The following ZBTB14 variants were observed in gnomAD, a reference collection of about 807,000 sequenced individuals.
ZBTB14 encodes zinc finger and BTB domain containing 14.
A neutral mutation model predicts 29.5 loss-of-function variants in ZBTB14; 8 were observed. That is an observed-to-expected ratio of 0.27 (90% CI 0.16 to 0.49). ZBTB14 has a LOEUF of 0.49. Among genes scored for constraint, ZBTB14 ranks in the 20% least tolerant of loss-of-function variants. The probability of loss-of-function intolerance (pLI) is 0.99; values close to 1 mark genes in which losing one functional copy is unlikely to be tolerated. For missense variants in ZBTB14, 333 were observed against 563.8 expected (o/e 0.59, Z 4.15); for synonymous variants, 226 against 207.2 (o/e 1.09, Z -0.78).
upstream of ZBTB14, among the ~76,000 whole-genome samples, chr18:5,296,641 T>C (rs1342001696): frequency 6.0e-5 from 9 of 150,882 alleles, no homozygotes; most frequent in South Asian, 2.1e-4. Context: ...TGTGGGGGAG[T>C]GGACGGTGCA....
Position 5,290,718 on chromosome 18 carries a change from C to T in ZBTB14, c.*140G>A. 4 of 1,310,142 alleles carry T rather than the reference C, an allele frequency of 3.1e-6. No homozygotes were observed. Among genetic ancestry groups the T allele is most frequent in the Non-Finnish European group, 4.1e-6 (4 of 966,434 alleles). 81.2% of individuals were successfully genotyped at this position (1,310,142 alleles called of 1,614,324 possible). A position where few individuals can be genotyped will look rare whatever the true frequency, so the allele number is the denominator to read the frequency against. On this transcript the variant is annotated 3_prime_UTR_variant, in exon 4 of 4. Transcript: ENST00000651870. ...TTTCCTTGAAAAGTCTTAAAAATAGCTAACCAAGCACTGCCTTAAGTCCAG... is the reference window on the plus strand; with the variant it reads ...TTTCCTTGAAAAGTCTTAAAAATAGTTAACCAAGCACTGCCTTAAGTCCAG...
In ZBTB14 at chr18:5,292,031, A is replaced by G. The variant is rs620652; in HGVS notation, c.177T>C (p.Thr59=). Residue 59 remains threonine (T), a synonymous_variant, in exon 4 of 4, where the codon ACT becomes ACC. Coordinates refer to ENST00000651870, the MANE Select transcript of ZBTB14 (RefSeq NM_001243702.2). ...AHRCVLAACS[T]YFKKLFKKLE... Reference sequence around the variant, plus strand: ...GCTTCTTGAAAAGCTTTTTAAAGTAAGTGCTGCAGGCAGCAAGAACACATC... The same window carrying G: ...GCTTCTTGAAAAGCTTTTTAAAGTAGGTGCTGCAGGCAGCAAGAACACATC... 1,330,758 of 1,612,794 alleles carry G rather than the reference A, an allele frequency of 0.83. 549,941 individuals carry two copies. The highest frequency in any genetic ancestry group is 0.93 in the African/African-American group (69,682 of 74,942).
upstream of ZBTB14, chr18:5,296,222 T>TGCGCACGCGCGCGC (rs2071961249): frequency 6.6e-6 from 1 of 150,686 alleles, no homozygotes; most frequent in Non-Finnish European, 1.5e-5. Context: ...GGCCCTGGCC[T>TGCGCACGCGCGCGC]GCGCACGCGC....
chr18:5,292,352 G>T, intron 3 of ZBTB14, 148 bp from the exon 4 acceptor site: 1 of 666,044 alleles, frequency 1.5e-6, no homozygotes, highest in Non-Finnish European at 2.4e-6. Context: ...GGGTAGAAAA[G>T]ACTGATCCCA....
At chr18:5,295,262 G>T (rs868648780) in intron 1 of ZBTB14, among the ~76,000 whole-genome samples, 1,905 of 144,620 alleles carry the variant, frequency 0.013, 24 homozygotes, top group Non-Finnish European at 0.02. Flanking sequence ...GCTCGCGCCG[G>T]GCCCTCCCCC....
chr18:5,290,817 A>C lies in ZBTB14; in HGVS notation c.*41T>G. ...CACTCATTATGATCCACGTCATCTC[A>C]GTCTCCACTTTCCAGGCAAAGTGTC... On this transcript the variant is annotated 3_prime_UTR_variant, in exon 4 of 4. Transcript: ENST00000651870. The C allele has an allele frequency of 1.3e-6, 2 of 1,586,424 alleles. No homozygotes were observed. Among genetic ancestry groups the C allele is most frequent in the South Asian group, 2.3e-5 (2 of 85,902 alleles).
At chr18:5,296,399 C>CCCGGCG (rs1158966965), upstream of ZBTB14, among the ~76,000 whole-genome samples, 1 of 150,140 alleles carries the variant, frequency 6.7e-6, no homozygotes, top group Non-Finnish European at 1.5e-5. Context: ...TCCGCCCGCG[C>CCCGGCG]CCGGCGCCGG....
At position 5,291,447 on chromosome 18, in the gene ZBTB14, G is replaced by C; in HGVS notation, c.761C>G (p.Pro254Arg). The C allele has an allele frequency of 6.2e-7, 1 of 1,614,152 alleles. No homozygotes were observed. Among genetic ancestry groups the C allele is most frequent in the Non-Finnish European group, 8.5e-7 (1 of 1,180,030 alleles). The change falls in exon 4 of 4, where the codon CCA (proline) becomes CGA (arginine). Residue 254 changes from proline (P) to arginine (R), a missense_variant. By Grantham distance (103) the Pro-to-Arg change is moderately radical. This residue lies in a region of ZBTB14 where 140 missense variants were observed against 274.6 expected (regional missense o/e 0.51). Transcript: ENST00000651870. This position sits in a 1 kb window ranked among gnomAD's most constrained non-coding sequence, Gnocchi z 5.8. ...GTCACTGGCGGCTGTTGTCCAGCCT[G>C]GTGTCTGTTCATCTTTCACTTCACT... ...GMSEVKDEQT[P>R]GWTTAASDMK...
Position 5,289,877 on chromosome 18 carries a change from C to A in ZBTB14, c.*981G>T, listed in dbSNP as rs1456168838. ...TACTGCATCTCCTTTATGGATAAAT[C>A]ATGTGCCCCACAGAGCCCCAAAGCT... On this transcript the variant is annotated 3_prime_UTR_variant, in exon 4 of 4. Coordinates refer to ENST00000651870, the MANE Select transcript of ZBTB14 (RefSeq NM_001243702.2). 6.6e-6 allele frequency: 1 copy of A among 152,478 alleles called. No individual in the cohort carries two copies. The highest frequency in any genetic ancestry group is 2.4e-5 in the African/African-American group (1 of 41,460). The allele number at this position is 152,478 out of a possible 1,614,324, so 9.4% of individuals were successfully genotyped here.
chr18:5,294,324 G>A (rs9945680), intron 1 of ZBTB14, among the ~76,000 whole-genome samples: 62,687 of 152,066 alleles, frequency 0.41, 13,478 homozygotes, highest in African/African-American at 0.47. Flanking sequence ...TCATCCAGAG[G>A]CTAGGCAGCC....
Position 5,290,632 on chromosome 18 carries a change from A to C in ZBTB14, c.*226T>G. 1.8e-6 allele frequency: 1 copy of C among 545,576 alleles called. No individual in the cohort carries two copies. Among genetic ancestry groups the C allele is most frequent in the South Asian group, 3.4e-5 (1 of 29,738 alleles). 33.8% of individuals were successfully genotyped at this position (545,576 alleles called of 1,614,324 possible). A position where few individuals can be genotyped will look rare whatever the true frequency, so the allele number is the denominator to read the frequency against. On this transcript the variant is annotated 3_prime_UTR_variant, in exon 4 of 4. Coordinates refer to ENST00000651870, the MANE Select transcript of ZBTB14 (RefSeq NM_001243702.2). Reference sequence around the variant, plus strand: ...AAGGGAGAGAGGTGCTTACTGGGCAACATTAATACTAGACACCAGACAAGA... The same window carrying C: ...AAGGGAGAGAGGTGCTTACTGGGCACCATTAATACTAGACACCAGACAAGA...
chr18:5,294,128 G>A (rs1353493472), intron 1 of ZBTB14, 127 bp from the exon 2 acceptor site: 1 of 152,250 alleles, frequency 6.6e-6, no homozygotes, highest in Admixed American at 6.5e-5. Flanking sequence ...CCAACCTGGA[G>A]ACCAACACCT....
At chr18:5,292,758 G>A (rs1049108851) in intron 3 of ZBTB14, among the ~76,000 whole-genome samples, 2 of 152,190 alleles carry the variant, frequency 1.3e-5, no homozygotes, top group Admixed American at 6.5e-5. Flanking sequence ...CTCCTTGACA[G>A]AAGGAACAAA....
chr18:5,291,116 G>C lies in ZBTB14; in HGVS notation c.1092C>G (p.His364Gln). The C allele has an allele frequency of 6.2e-7, 1 of 1,614,278 alleles. No homozygotes were observed. The highest frequency in any genetic ancestry group is 2.2e-5 in the East Asian group (1 of 44,892). The change falls in exon 4 of 4, where the codon CAC (histidine) becomes CAG (glutamine). Residue 364 changes from histidine (H) to glutamine (Q), a missense_variant. By Grantham distance (24) the His-to-Gln change is conservative (BLOSUM62 0). This residue lies in a region of ZBTB14 where 140 missense variants were observed against 274.6 expected (regional missense o/e 0.51). Transcript: ENST00000651870. This position sits in a 1 kb window ranked among gnomAD's most constrained non-coding sequence, Gnocchi z 5.8. The stretch of plus-strand genomic sequence containing the variant: ...TGTGTTTGAAGGCTTTGTCACACAT[G>C]TGGCACGCAAACGGTCTTTCATTAC... The part of the protein sequence containing the change: ...VHSNERPFAC[H>Q]MCDKAFKHKS...
intron 1 of ZBTB14, among the ~76,000 whole-genome samples, chr18:5,294,991 G>A (rs1031282878): frequency 6.6e-6 from 1 of 152,160 alleles, no homozygotes; most frequent in Non-Finnish European, 1.5e-5. Context: ...GAGTGGAGGA[G>A]GCCGTTTGCA....
intron 1 of ZBTB14, chr18:5,294,839 C>G (rs906681064): frequency 1.3e-5 from 2 of 152,188 alleles, no homozygotes; most frequent in Non-Finnish European, 2.9e-5. Flanking sequence ...CCGGGCAGCC[C>G]GACAATGGCG....
upstream of ZBTB14, among the ~76,000 whole-genome samples, chr18:5,296,491 C>T (rs1445669586): frequency 6.6e-6 from 1 of 151,320 alleles, no homozygotes; most frequent in Admixed American, 6.6e-5. Flanking sequence ...CGCGCGCAGG[C>T]CGGGCGCTGA....
chr18:5,293,940 A>T lies in ZBTB14; in HGVS notation c.-82+32T>A, dbSNP rs1421763320. The T allele has an allele frequency of 2.6e-5, 4 of 152,228 alleles. No homozygotes were observed. In the East Asian group the frequency reaches 7.7e-4, roughly 29 times the overall value. The allele number at this position is 152,228 out of a possible 1,614,324, so 9.4% of individuals were successfully genotyped here. On this transcript the variant is annotated intron_variant, in intron 2 of 3. Coordinates refer to ENST00000651870, the MANE Select transcript of ZBTB14 (RefSeq NM_001243702.2). ...CTATCCCTACAATAAGGGTGAAAGA[A>T]TTTCAGCTTTTTTGTGAGTTTTAAC...
chr18:5,295,059 C>T (rs1261814610), intron 1 of ZBTB14, among the ~76,000 whole-genome samples: 1 of 151,810 alleles, frequency 6.6e-6, no homozygotes, highest in African/African-American at 2.4e-5. Flanking sequence ...GGCCACTTTC[C>T]CTTTCATAAT....
Sources: allele counts gnomAD v4.1 joint callset (sites outside exome capture counted in the v4.1 genomes callset), GRCh38; gene constraint gnomAD v4.1.1; regional missense constraint gnomAD v4.1.1; non-coding constraint Gnocchi (gnomAD v3.1); transcripts MANE v1.5; gene names NCBI Gene and HGNC (gene_info 2026-07-23, HGNC 2026-07-21).